The following TFDP1 variants were observed in gnomAD, a reference collection of about 807,000 sequenced individuals.
TFDP1 encodes the protein DRTF1-polypeptide 1.
Under a neutral mutation model 48.0 loss-of-function variants are expected in TFDP1, and 6 were observed. The observed-to-expected ratio is 0.13, with a 90% confidence interval of 0.07 to 0.25. The LOEUF (loss-of-function observed/expected upper bound fraction) is 0.25. TFDP1 is among the 10% of genes least tolerant of loss of function. The pLI is 1.00. For synonymous variants in TFDP1, 201 were observed against 211.6 expected, an observed-to-expected ratio of 0.95 and a Z score of 0.44; for missense variants, 335 against 543.0, an observed-to-expected ratio of 0.62 and a Z score of 3.81.
chr13:113,636,078 C>G lies in TFDP1; in HGVS notation c.789C>G (p.Ile263Met). The change falls in exon 9 of 12, where the codon ATC (isoleucine) becomes ATG (methionine). Residue 263 changes from isoleucine to methionine, a missense_variant. Physicochemically the swap from Ile to Met is conservative, Grantham distance 10. Transcript: ENST00000375370. ...CAGTCATCCACCTGCCCTTCATCAT[C>G]GTCAACACCAGCAAGAAGACGGTCA... ...PNSVIHLPFI[I>M]VNTSKKTVID... The G allele has an allele frequency of 6.2e-7, 1 of 1,614,216 alleles. No individual in the cohort carries two copies. The highest frequency in any genetic ancestry group is 8.5e-7 in the Non-Finnish European group (1 of 1,180,036).
intron 3 of TFDP1, among the ~76,000 whole-genome samples, chr13:113,619,878 G>T (rs960504083): frequency 6.6e-6 from 1 of 152,142 alleles, no homozygotes; most frequent in Non-Finnish European, 1.5e-5. Context: ...AAGGCCTTGG[G>T]CTCCGAAACC....
chr13:113,626,304 G>GAAAT, intron 4 of TFDP1, among the ~76,000 whole-genome samples: 1 of 152,166 alleles, frequency 6.6e-6, no homozygotes, highest in African/African-American at 2.4e-5. Flanking sequence ...CACATACCAG[G>GAAAT]GATATTTTGG....
rs143182259 is a variant in TFDP1 at position 113,617,463 on chromosome 13, A to G, written c.80-5717A>G. ...ACCTGCAGAGCCGCTCACCTGCAGA[A>G]CCGTTCACCTGCAGAGCCCTTCACC... On this transcript the variant is annotated intron_variant, in intron 3 of 11. Transcript: ENST00000375370. Among the ~76,000 whole-genome samples the G allele has an allele frequency of 1.1e-3, 138 of 120,600 alleles. No homozygotes were observed. The East Asian group carries it at 0.013, about 11-fold the overall frequency. 79.1% of individuals were successfully genotyped at this position (120,600 alleles called of 152,430 possible).
chr13:113,589,106 T>C (rs1594394569), intron 2 of TFDP1, among the ~76,000 whole-genome samples: 1 of 152,238 alleles, frequency 6.6e-6, no homozygotes, highest in East Asian at 1.9e-4. Context: ...AGAAGGTGGC[T>C]GCCTTTGATG....
In TFDP1 at chr13:113,627,504, A is replaced by G. The variant is rs961969238; in HGVS notation, c.187-4119A>G. 6.6e-6 allele frequency among the ~76,000 whole-genome samples: 1 copy of G among 152,182 alleles called. No homozygotes were observed. The highest frequency in any genetic ancestry group is 2.4e-5 in the African/African-American group (1 of 41,442). ...TGGACACCGCGGTTAACCTTGGTCC[A>G]TCTCTAGGATTCTGTGTCTGAGTGG... On this transcript the variant is annotated intron_variant, in intron 4 of 11. Coordinates refer to ENST00000375370, the MANE Select transcript of TFDP1 (RefSeq NM_007111.5). The surrounding 1 kb of genome is among the most constrained non-coding windows in gnomAD (Gnocchi z 4.1).
intron 2 of TFDP1, among the ~76,000 whole-genome samples, chr13:113,600,136 A>G (rs185703205): frequency 1.6e-3 from 216 of 139,042 alleles, no homozygotes; most frequent in African/African-American, 5.6e-3. Context: ...CCTTGTATGT[A>G]GGGCTCCAGA....
intron 4 of TFDP1, among the ~76,000 whole-genome samples, chr13:113,626,932 GA>G (rs957038713): frequency 1.3e-4 from 20 of 152,270 alleles, no homozygotes; most frequent in Admixed American, 8.5e-4. Context: ...ACACTGGGGG[GA>G]AACGAATGAG....
In TFDP1 at chr13:113,637,558, G is replaced by A. The variant is rs183468725; in HGVS notation, c.1007-260G>A. On this transcript the variant is annotated intron_variant, in intron 10 of 11. Coordinates refer to ENST00000375370, the MANE Select transcript of TFDP1 (RefSeq NM_007111.5). The stretch of plus-strand genomic sequence containing the variant: ...GTATGATACTGAGGCAGCAGCACAC[G>A]TGTGCCGTTTGTAAGTCAGTGTGTG... The A allele has an allele frequency of 1.4e-3, 1,985 of 1,451,592 alleles. 2 individuals are homozygous for A. The highest frequency in any genetic ancestry group is 1.7e-3 in the Non-Finnish European group (1,847 of 1,089,886). The allele number at this position is 1,451,592 out of a possible 1,614,324, so 89.9% of individuals were successfully genotyped here.
intron 2 of TFDP1, among the ~76,000 whole-genome samples, chr13:113,591,630 C>T (rs2048149286): frequency 6.6e-6 from 1 of 152,188 alleles, no homozygotes; most frequent in Non-Finnish European, 1.5e-5. Context: ...TTAAAAAATA[C>T]TTTGTTGTAG....
intron 3 of TFDP1, among the ~76,000 whole-genome samples, chr13:113,616,053 A>G (rs932945042): frequency 6.6e-6 from 1 of 151,662 alleles, no homozygotes; most frequent in Admixed American, 6.6e-5. Flanking sequence ...AAATATAAAA[A>G]TTAGTGGGGC....
At chr13:113,613,073 G>A (rs566864908) in intron 3 of TFDP1, among the ~76,000 whole-genome samples, 40 of 152,224 alleles carry the variant, frequency 2.6e-4, no homozygotes, top group Non-Finnish European at 4.4e-4. Flanking sequence ...CTGGAGTGCA[G>A]TGGCGCCGTC....
In TFDP1 at chr13:113,634,099, G is replaced by A. The variant is rs757058666; in HGVS notation, c.618+66G>A. On this transcript the variant is annotated intron_variant, in intron 7 of 11. Transcript: ENST00000375370. ...GTCCGTGTAGATGTTTTAGTCGTCG[G>A]TCACTCAGAAGGGTCTGGGCTCCGT... The A allele has an allele frequency of 1.9e-6, 3 of 1,610,604 alleles. No homozygotes were observed. In the African/African-American group the frequency reaches 4.0e-5, roughly 22 times the overall value.
intron 2 of TFDP1, among the ~76,000 whole-genome samples, chr13:113,600,746 T>A (rs1001935296): frequency 7.1e-6 from 1 of 140,584 alleles, no homozygotes; most frequent in African/African-American, 2.7e-5. Flanking sequence ...AACCCTCACG[T>A]AGGGCTCCAG....
At chr13:113,632,939 A>G (rs913974865) in intron 5 of TFDP1, among the ~76,000 whole-genome samples, 181 bp from the exon 6 acceptor site, 1 of 152,220 alleles carries the variant, frequency 6.6e-6, no homozygotes, top group African/African-American at 2.4e-5. Flanking sequence ...CTGCAGGACC[A>G]CTGGGCCTGG....
intron 3 of TFDP1, among the ~76,000 whole-genome samples, chr13:113,622,646 T>C (rs1842386494): frequency 6.6e-6 from 1 of 152,216 alleles, no homozygotes; most frequent in African/African-American, 2.4e-5. Context: ...TCACATCTCC[T>C]GCAGAGGGGT....
chr13:113,613,315 C>T (rs1346517300), intron 3 of TFDP1, among the ~76,000 whole-genome samples: 3 of 152,204 alleles, frequency 2.0e-5, no homozygotes, highest in Non-Finnish European at 4.4e-5. Flanking sequence ...CACCCGGCCA[C>T]ACGTGGTTAT....
rs193291178 is a variant in TFDP1, at chr13:113,632,306, G to A, written c.308+562G>A. On this transcript the variant is annotated intron_variant, in intron 5 of 11. Transcript: ENST00000375370. ...CTAGGAACCTCAGGTGGCCTTTCCCGCCATGTGGGGACTGACCAGAGTGTA... is the reference window on the plus strand; with the variant it reads ...CTAGGAACCTCAGGTGGCCTTTCCCACCATGTGGGGACTGACCAGAGTGTA... 1.3e-4 allele frequency among the ~76,000 whole-genome samples: 20 copies of A among 152,322 alleles called. No homozygotes were observed. In the East Asian group the frequency reaches 3.5e-3, roughly 26 times the overall value.
chr13:113,588,130 G>C (rs547019822), intron 2 of TFDP1, among the ~76,000 whole-genome samples: 1 of 152,250 alleles, frequency 6.6e-6, no homozygotes, highest in South Asian at 2.1e-4. Context: ...GATTACAGGC[G>C]TGAGCCGCTG....
chr13:113,586,801 G>T (rs1038499011), intron 2 of TFDP1, among the ~76,000 whole-genome samples: 1 of 152,204 alleles, frequency 6.6e-6, no homozygotes, highest in African/African-American at 2.4e-5. Context: ...CAAGCACTGG[G>T]GTCCCCTTTA....
Sources: gnomAD v4.1 joint callset for allele counts (sites outside exome capture counted in the v4.1 genomes callset) on GRCh38, gnomAD v4.1.1 for gene constraint, Gnocchi (gnomAD v3.1) non-coding constraint, MANE v1.5 for transcripts, NCBI Gene and HGNC (gene_info 2026-07-23, HGNC 2026-07-21) for gene names.